Variants in CENPH observed in about 807,000 individuals in gnomAD.
CENPH encodes CENP-H.
In CENPH, 40 loss-of-function variants were observed where a neutral mutation model predicts 42.9. The observed-to-expected ratio is 0.93, with a 90% CI of 0.72 to 1.21. The LOEUF is 1.21. Among genes scored for constraint, CENPH ranks in the 50% most tolerant of loss-of-function variants. The pLI is 0.00. For missense variants in CENPH, 302 were observed against 292.9 expected (o/e 1.03, Z -0.23); for synonymous variants, 88 against 96.5 (o/e 0.91, Z 0.52).
At chr5:69,192,658 T>TA (rs1448952619) in intron 2 of CENPH, among the ~76,000 whole-genome samples, 1 of 152,158 alleles carries the variant, frequency 6.6e-6, no homozygotes, top group Non-Finnish European at 1.5e-5. Flanking sequence ...TACATACCTA[T>TA]AGTCCCAGCT....
At chr5:69,197,477 G>T (rs1307473637) in intron 5 of CENPH, 1 of 161,124 alleles carries the variant, frequency 6.2e-6, no homozygotes, top group African/African-American at 2.4e-5. Flanking sequence ...TGGTAGAAAT[G>T]AGCTTATTCG....
chr5:69,202,616 T>C (rs754749483), intron 6 of CENPH, 47 bp downstream of exon 6: 1 of 1,076,434 alleles, frequency 9.3e-7, no homozygotes, highest in East Asian at 2.4e-5. Flanking sequence ...GATTTTACTC[T>C]CAACTTCTTG....
intron 5 of CENPH, among the ~76,000 whole-genome samples, chr5:69,198,630 C>G (rs1192509052): frequency 1.3e-5 from 2 of 152,146 alleles, no homozygotes; most frequent in African/African-American, 4.8e-5. Flanking sequence ...AACTTTTTCT[C>G]TCCCATAAAA....
chr5:69,207,258 C>T (rs1329343710), intron 7 of CENPH, among the ~76,000 whole-genome samples: 1 of 151,694 alleles, frequency 6.6e-6, no homozygotes, highest in Non-Finnish European at 1.5e-5. Context: ...GGTGCAATCT[C>T]AGCTTACTGC....
intron 4 of CENPH, 21 bp downstream of exon 4, chr5:69,195,812 A>G (rs775459868): frequency 4.8e-6 from 6 of 1,262,746 alleles, no homozygotes; most frequent in Non-Finnish European, 6.8e-6. Flanking sequence ...CATTTTAAAT[A>G]TAAGCATTGT....
chr5:69,203,485 G>C (rs1161159320), intron 7 of CENPH, among the ~76,000 whole-genome samples: 1 of 152,138 alleles, frequency 6.6e-6, no homozygotes, highest in African/African-American at 2.4e-5. Flanking sequence ...TTGTGCCTCA[G>C]CCTCCAGAGT....
chr5:69,208,069 A>C (rs1478242719), intron 7 of CENPH, 127 bp from the exon 8 acceptor site: 12 of 499,020 alleles, frequency 2.4e-5, no homozygotes, highest in Non-Finnish European at 4.2e-5. Context: ...TTGCAACCTA[A>C]AATGCTGCTT....
chr5:69,200,126 A>C (rs1024992098), intron 5 of CENPH, among the ~76,000 whole-genome samples: 3 of 151,836 alleles, frequency 2.0e-5, no homozygotes, highest in African/African-American at 4.8e-5. Context: ...AAAAAAAAAA[A>C]AAAAAAACAG....
intron 7 of CENPH, among the ~76,000 whole-genome samples, chr5:69,207,403 G>C (rs1748177097): frequency 6.6e-6 from 1 of 151,772 alleles, no homozygotes; most frequent in Non-Finnish European, 1.5e-5. Flanking sequence ...TGGCGGGGCT[G>C]GTCTCGAACT....
intron 3 of CENPH, 115 bp from the exon 4 acceptor site, chr5:69,195,602 T>C: frequency 3.1e-6 from 2 of 636,658 alleles, no homozygotes; most frequent in Admixed American, 3.0e-5. Flanking sequence ...GCCTGTAGAA[T>C]ACTTGTATTT....
intron 1 of CENPH, among the ~76,000 whole-genome samples, chr5:69,190,921 C>G (rs1278161729): frequency 6.6e-6 from 1 of 151,316 alleles, no homozygotes; most frequent in Non-Finnish European, 1.5e-5. Flanking sequence ...CCATTTTTTT[C>G]TTTCTTAAAT....
rs138536652 is a variant in CENPH, at chr5:69,209,667, A to C, written c.652-40A>C. 3.6e-4 allele frequency: 335 copies of C among 943,384 alleles called. No homozygotes were observed. The African/African-American group carries it at 5.1e-3, about 14-fold the overall frequency. The allele number at this position is 943,384 out of a possible 1,614,324, so 58.4% of individuals were successfully genotyped here. On this transcript the variant is annotated intron_variant, in intron 8 of 8. Coordinates refer to ENST00000283006, the MANE Select transcript of CENPH (RefSeq NM_022909.4). ...TATTCTAAAATCTTGTTAAATTTTT[A>C]AAGTACTTGTAACTTTAAAACAATT... is the stretch of plus-strand genomic sequence containing the variant.
At chr5:69,202,058 G>T (rs1444645637) in intron 5 of CENPH, among the ~76,000 whole-genome samples, 1 of 152,184 alleles carries the variant, frequency 6.6e-6, no homozygotes, top group South Asian at 2.1e-4. Context: ...CCTTCCACTC[G>T]GTTTTGCTGT....
chr5:69,208,257 G>A lies in CENPH; in HGVS notation c.549G>A (p.Lys183=). ...TACAGACTGAAAAGAACAAACAGAA[G>A]ATTGATTTGGACAGTATGGAAAACT... is the stretch of plus-strand genomic sequence containing the variant. The part of the protein sequence containing the change: ...LEIQTEKNKQ[K]IDLDSMENSE... Residue 183 remains lysine, a synonymous_variant, in exon 8 of 9, where the codon AAG becomes AAA. Coordinates refer to ENST00000283006, the MANE Select transcript of CENPH (RefSeq NM_022909.4). 4 of 1,594,068 alleles carry A rather than the reference G, an allele frequency of 2.5e-6. No individual in the cohort carries two copies. Among genetic ancestry groups the A allele is most frequent in the Non-Finnish European group, 3.4e-6 (4 of 1,162,574 alleles).
intron 3 of CENPH, 50 bp downstream of exon 3, chr5:69,194,745 A>G (rs776473060): frequency 1.7e-6 from 2 of 1,160,404 alleles, no homozygotes; most frequent in Admixed American, 4.2e-5. Flanking sequence ...AGATTTAATC[A>G]TATTTTCTAT....
chr5:69,200,194 T>TA (rs1444659532), intron 5 of CENPH, among the ~76,000 whole-genome samples: 2 of 151,878 alleles, frequency 1.3e-5, no homozygotes, highest in Admixed American at 1.3e-4. Context: ...TTATAACTGT[T>TA]AAAAAAAATT....
intron 1 of CENPH, among the ~76,000 whole-genome samples, chr5:69,191,591 GTCT>G (rs1747873186): frequency 1.3e-5 from 2 of 152,104 alleles, no homozygotes; most frequent in South Asian, 4.1e-4. Context: ...TCCATTTTGT[GTCT>G]TCCTCTGAGG....
chr5:69,194,578 T>A (rs562584409), intron 2 of CENPH, 69 bp from the exon 3 acceptor site: 1 of 857,358 alleles, frequency 1.2e-6, no homozygotes, highest in South Asian at 1.7e-5. Flanking sequence ...CCTTGTGGCT[T>A]ACATTATATT....
chr5:69,195,118 A>G (rs1747942686), intron 3 of CENPH, among the ~76,000 whole-genome samples: 1 of 151,978 alleles, frequency 6.6e-6, no homozygotes. Flanking sequence ...AATCCCAGCT[A>G]CTCGGGAGGC....
Sources: gnomAD v4.1 joint callset for allele counts (sites outside exome capture counted in the v4.1 genomes callset) on GRCh38, gnomAD v4.1.1 for gene constraint, MANE v1.5 for transcripts, NCBI Gene and HGNC (gene_info 2026-07-23, HGNC 2026-07-21) for gene names.